SLC27A6: variants seen among roughly 807,000 people sequenced by gnomAD.
SLC27A6 encodes solute carrier family 27 member 6, also known as long-chain fatty acid transport protein 6.
A neutral mutation model predicts 63.9 loss-of-function variants in SLC27A6; 74 were observed. The observed-to-expected ratio is 1.16, with a 90% CI of 0.96 to 1.40. SLC27A6 has a LOEUF of 1.40. SLC27A6 is among the 40% of genes most tolerant of loss of function. SLC27A6 has a pLI of 0.00. For synonymous variants in SLC27A6, 287 were observed against 260.8 expected (o/e 1.10, Z -0.97); for missense variants, 794 against 732.9 (o/e 1.08, Z -0.96).
chr5:129,029,489 C>T (rs768718869), intron 8 of SLC27A6, 88 bp from the exon 9 acceptor site: 2 of 823,996 alleles, frequency 2.4e-6, no homozygotes, highest in Non-Finnish European at 3.8e-6. Flanking sequence ...GATTTAATGT[C>T]TCCATGTGTG....
intron 4 of SLC27A6, among the ~76,000 whole-genome samples, chr5:128,998,279 A>T (rs1217100722): frequency 6.6e-6 from 1 of 152,120 alleles, no homozygotes; most frequent in African/African-American, 2.4e-5. Flanking sequence ...TGGGTGACAG[A>T]GCAAGACCTT....
chr5:128,976,702 C>G (rs1425621149), intron 1 of SLC27A6, among the ~76,000 whole-genome samples: 25 of 128,090 alleles, frequency 2.0e-4, no homozygotes, highest in Non-Finnish European at 3.6e-4. Context: ...TTCAGTGTAA[C>G]AGTTTACTAA....
intron 5 of SLC27A6, among the ~76,000 whole-genome samples, chr5:129,018,418 C>G (rs2150151183): frequency 6.6e-6 from 1 of 152,144 alleles, no homozygotes; most frequent in South Asian, 2.1e-4. Flanking sequence ...GTTGCCCATT[C>G]AAAGCTGGTG....
chr5:129,012,477 A>T (rs995779374), intron 4 of SLC27A6, among the ~76,000 whole-genome samples: 3 of 152,128 alleles, frequency 2.0e-5, no homozygotes, highest in African/African-American at 7.2e-5. Flanking sequence ...TACATAAATT[A>T]GGTCAAGTTG....
rs764746071 is a variant in SLC27A6, at chr5:128,966,510, C to G, written c.373C>G (p.Leu125Val). ...GGACTTCGTTCACGTGTGGTTCGGC[C>G]TCGCCAAGCTGGGCTGCGTGGTGGC... ...EPDFVHVWFG[L>V]AKLGCVVAFL... Residue 125 changes from leucine (L) to valine (V), a missense_variant, in exon 1 of 10, where the codon CTC (leucine) becomes GTC (valine). Coordinates refer to ENST00000262462, the MANE Select transcript of SLC27A6 (RefSeq NM_001017372.3). 3 of 1,606,624 alleles carry G rather than the reference C, an allele frequency of 1.9e-6. No homozygotes were observed. Among genetic ancestry groups the G allele is most frequent in the Non-Finnish European group, 1.7e-6 (2 of 1,177,152 alleles).
intron 4 of SLC27A6, among the ~76,000 whole-genome samples, chr5:129,005,457 G>T (rs1751487773): frequency 1.3e-5 from 2 of 152,074 alleles, no homozygotes; most frequent in Admixed American, 6.6e-5. Context: ...TATCATTTAG[G>T]AAAGGGTTCA....
chr5:128,988,987 G>A (rs1750884307), intron 3 of SLC27A6, among the ~76,000 whole-genome samples: 1 of 152,148 alleles, frequency 6.6e-6, no homozygotes, highest in Non-Finnish European at 1.5e-5. Context: ...GGTCGGAGCT[G>A]GCTATTGGCT....
Position 129,016,395 on chromosome 5 carries a change from C to CAAAA in SLC27A6, c.1164+336_1164+339dup, listed in dbSNP as rs759333355. On this transcript the variant is annotated intron_variant, in intron 5 of 9. Transcript: ENST00000262462. Reference sequence around the variant, plus strand: ...TGGGCGACAGAGCGAGACTCTGTCTCAAAAAAAAAAAAAAAAAAAAAAAGG... The same window carrying CAAAA: ...TGGGCGACAGAGCGAGACTCTGTCTCAAAAAAAAAAAAAAAAAAAAAAAAAAAGG... Among the ~76,000 whole-genome samples the CAAAA allele has an allele frequency of 2.3e-3, 146 of 64,546 alleles. 4 individuals carry two copies. The highest frequency in any genetic ancestry group is 7.3e-3 in the South Asian group (12 of 1,654). 42.3% of individuals were successfully genotyped at this position (64,546 alleles called of 152,430 possible).
At chr5:129,003,373 T>A (rs187087285) in intron 4 of SLC27A6, among the ~76,000 whole-genome samples, 227 of 152,330 alleles carry the variant, frequency 1.5e-3, no homozygotes, top group Non-Finnish European at 2.5e-3. Context: ...AGGTTGAGTG[T>A]TTATAGCAAC....
chr5:129,029,855 T>C (rs1056641179), intron 9 of SLC27A6, 148 bp downstream of exon 9: 3 of 643,678 alleles, frequency 4.7e-6, no homozygotes, highest in Non-Finnish European at 5.2e-6. Context: ...ATGCCATGTT[T>C]GAAGCCTAAT....
intron 5 of SLC27A6, among the ~76,000 whole-genome samples, chr5:129,018,045 T>C (rs555515197): frequency 2.6e-5 from 4 of 152,232 alleles, no homozygotes; most frequent in African/African-American, 7.2e-5. Flanking sequence ...AGCTTTTGGT[T>C]GATAATCTCT....
chr5:128,970,194 G>A (rs944341438), intron 1 of SLC27A6, among the ~76,000 whole-genome samples: 7 of 146,996 alleles, frequency 4.8e-5, no homozygotes, highest in Non-Finnish European at 7.7e-5. Context: ...TTTTGCATCA[G>A]TGTTCATCAA....
intron 8 of SLC27A6, 96 bp from the exon 9 acceptor site, chr5:129,029,481 T>C: frequency 2.6e-6 from 2 of 767,900 alleles, no homozygotes; most frequent in South Asian, 3.8e-5. Flanking sequence ...CTGAAATAGA[T>C]TTAATGTCTC....
At chr5:129,033,075 G>A (rs1313468082) in intron 9 of SLC27A6, 31 bp from the exon 10 acceptor site, 6 of 1,500,904 alleles carry the variant, frequency 4.0e-6, no homozygotes. Context: ...GTTATTAAAT[G>A]ATTCTACTCA....
At chr5:128,997,320 A>G (rs2150140131) in intron 4 of SLC27A6, among the ~76,000 whole-genome samples, 1 of 152,266 alleles carries the variant, frequency 6.6e-6, no homozygotes, top group East Asian at 1.9e-4. Flanking sequence ...TTTGAAGCAT[A>G]TTATATGGTT....
chr5:129,015,486 A>G (rs374643331), intron 4 of SLC27A6, among the ~76,000 whole-genome samples: 34 of 152,344 alleles, frequency 2.2e-4, no homozygotes, highest in East Asian at 1.7e-3. Context: ...AATCAGAGGT[A>G]GGAGTCAACA....
intron 1 of SLC27A6, among the ~76,000 whole-genome samples, chr5:128,979,970 C>G (rs1750528009): frequency 6.6e-6 from 1 of 152,198 alleles, no homozygotes; most frequent in Non-Finnish European, 1.5e-5. Context: ...TCAACTCACC[C>G]TGCCTGGTTA....
intron 1 of SLC27A6, among the ~76,000 whole-genome samples, chr5:128,971,763 T>A (rs914626647): frequency 2.4e-4 from 37 of 152,200 alleles, no homozygotes; most frequent in African/African-American, 8.7e-4. Context: ...TCCATTTACA[T>A]TTAATGCTAA....
intron 1 of SLC27A6, among the ~76,000 whole-genome samples, chr5:128,972,392 T>G (rs974793057): frequency 7.9e-5 from 12 of 152,212 alleles, no homozygotes; most frequent in Non-Finnish European, 1.5e-4. Flanking sequence ...ATCACTTTCA[T>G]GTACACCAAT....
Sources: allele counts gnomAD v4.1 joint callset (sites outside exome capture counted in the v4.1 genomes callset), GRCh38; gene constraint gnomAD v4.1.1; transcripts MANE v1.5; gene names NCBI Gene and HGNC (gene_info 2026-07-23, HGNC 2026-07-21).